Variants in PRDM1 observed in about 807,000 individuals in gnomAD.
The protein encoded by PRDM1 is PR domain zinc finger protein 1.
Under a neutral mutation model 62.8 loss-of-function variants are expected in PRDM1, and 13 were observed. The observed-to-expected ratio is 0.21, with a 90% CI of 0.13 to 0.33. The LOEUF is 0.33. PRDM1 is among the 10% of genes least tolerant of loss of function. PRDM1 has a pLI of 1.00. For synonymous variants in PRDM1, 396 were observed against 417.6 expected (o/e 0.95, Z 0.63); for missense variants, 895 against 1,058.8 (o/e 0.85, Z 2.15).
At chr6:106,069,507 G>A (rs1176748303) in intron 1 of PRDM1, among the ~76,000 whole-genome samples, 1 of 152,186 alleles carries the variant, frequency 6.6e-6, no homozygotes, top group Admixed American at 6.5e-5. Context: ...TAACAATCAT[G>A]GAGAGAAAGC....
At chr6:106,045,189 T>C (rs1411295378), upstream of PRDM1, among the ~76,000 whole-genome samples, 1 of 152,174 alleles carries the variant, frequency 6.6e-6, no homozygotes, top group Non-Finnish European at 1.5e-5. Flanking sequence ...AACACCATCA[T>C]TGTTATGACA....
upstream of PRDM1, among the ~76,000 whole-genome samples, chr6:105,993,124 C>A (rs1452821952): frequency 1.3e-5 from 2 of 152,216 alleles, no homozygotes; most frequent in Non-Finnish European, 2.9e-5. Flanking sequence ...CACATGTCGA[C>A]CCTCCTTTTA....
At chr6:106,035,421 A>T (rs1175989691) in intron 1 of PRDM1, among the ~76,000 whole-genome samples, 1 of 152,160 alleles carries the variant, frequency 6.6e-6, no homozygotes, top group Non-Finnish European at 1.5e-5. Flanking sequence ...CAGGAGTTCA[A>T]GACCAATCTG....
intron 1 of PRDM1, among the ~76,000 whole-genome samples, chr6:106,080,416 C>T (rs896209502): frequency 6.6e-6 from 1 of 152,190 alleles, no homozygotes; most frequent in African/African-American, 2.4e-5. Context: ...CCCCCCACCG[C>T]AGCCCCCAGC....
chr6:106,003,563 A>C (rs1772451575), intron 1 of PRDM1, among the ~76,000 whole-genome samples: 1 of 152,186 alleles, frequency 6.6e-6, no homozygotes, highest in Non-Finnish European at 1.5e-5. Context: ...GGCTGGTAAC[A>C]TACTTCTGGC....
At chr6:106,029,537 G>A (rs991214273) in intron 1 of PRDM1, among the ~76,000 whole-genome samples, 1 of 152,168 alleles carries the variant, frequency 6.6e-6, no homozygotes, top group Non-Finnish European at 1.5e-5. Flanking sequence ...CGTGGATCAA[G>A]AGTTCATTCC....
chr6:106,090,826 A>AT (rs35007893), intron 2 of PRDM1, among the ~76,000 whole-genome samples: 5,546 of 147,406 alleles, frequency 0.038, 113 homozygotes, highest in Middle Eastern at 0.058. Context: ...ATACCGGGGA[A>AT]TTTTTTTTTT....
At chr6:106,092,280 T>C (rs779991919) in intron 2 of PRDM1, among the ~76,000 whole-genome samples, 6 of 152,186 alleles carry the variant, frequency 3.9e-5, no homozygotes, top group African/African-American at 1.4e-4. Context: ...GTGGAAACTG[T>C]GGACGGCGGG....
Position 106,006,644 on chromosome 6 carries a change from G to A in PRDM1, c.-67+13005G>A, listed in dbSNP as rs985506090. Among the ~76,000 whole-genome samples the A allele has an allele frequency of 2.0e-5, 3 of 151,972 alleles. 1 individual carries two copies. The highest frequency in any genetic ancestry group is 7.2e-5 in the African/African-American group (3 of 41,408). On this transcript the variant is annotated intron_variant, in intron 1 of 6. Coordinates refer to the PRDM1 transcript ENST00000652320. ...AAGACCTTTGCCAGATACCATCAAA[G>A]TATCCTCAGGGTTTGGGTGGTACAC...
At chr6:106,028,772 C>T (rs1221054186) in intron 1 of PRDM1, among the ~76,000 whole-genome samples, 1 of 152,006 alleles carries the variant, frequency 6.6e-6, no homozygotes, top group East Asian at 1.9e-4. Flanking sequence ...TTTCCTGTGT[C>T]TCTTTGTAAT....
chr6:106,098,501 C>G (rs1774174273), intron 3 of PRDM1: 9 of 1,204,142 alleles, frequency 7.5e-6, no homozygotes, highest in Non-Finnish European at 9.5e-6. Context: ...CAAAAACACA[C>G]GCCTATGGCT....
chr6:106,043,041 G>C (rs1047018767), intron 1 of PRDM1, among the ~76,000 whole-genome samples: 2 of 152,140 alleles, frequency 1.3e-5, no homozygotes, highest in Non-Finnish European at 2.9e-5. Context: ...AGTAGAGACA[G>C]GGTTTCACCA....
At chr6:106,080,897 T>C (rs1465207566) in intron 1 of PRDM1, among the ~76,000 whole-genome samples, 2 of 152,180 alleles carry the variant, frequency 1.3e-5, no homozygotes, top group Non-Finnish European at 2.9e-5. Context: ...GGCGGATGCC[T>C]ACTGAACAAT....
intron 1 of PRDM1, among the ~76,000 whole-genome samples, chr6:106,026,183 A>C (rs2114563090): frequency 6.6e-6 from 1 of 152,308 alleles, no homozygotes; most frequent in African/African-American, 2.4e-5. Flanking sequence ...TATTTGATTT[A>C]AAGAGCAGAA....
chr6:106,008,290 T>A (rs1170012036), intron 1 of PRDM1, among the ~76,000 whole-genome samples: 9 of 152,150 alleles, frequency 5.9e-5, no homozygotes, highest in African/African-American at 2.2e-4. Flanking sequence ...GTAGAATCAC[T>A]TGAACTCAGG....
At chr6:106,079,969 CA>C (rs1773666851) in intron 1 of PRDM1, among the ~76,000 whole-genome samples, 1 of 152,198 alleles carries the variant, frequency 6.6e-6, no homozygotes, top group Admixed American at 6.5e-5. Context: ...AAAACACACC[CA>C]GGGGCCAAGA....
At chr6:106,086,234 C>T, upstream of PRDM1, 1 of 385,694 alleles carries the variant, frequency 2.6e-6, no homozygotes, top group Non-Finnish European at 4.6e-6. Context: ...GGGGGAAAGC[C>T]CTGGGCTCGG....
intron 1 of PRDM1, among the ~76,000 whole-genome samples, chr6:106,049,776 T>A (rs935005679): frequency 2.0e-5 from 3 of 152,254 alleles, no homozygotes. Flanking sequence ...TGTCTGTAAT[T>A]AACTACCCAC....
chr6:106,004,953 G>A (rs1054436925), intron 1 of PRDM1, among the ~76,000 whole-genome samples: 6 of 152,152 alleles, frequency 3.9e-5, no homozygotes, highest in Non-Finnish European at 5.9e-5. Flanking sequence ...TGGAAACAAT[G>A]AACTCTTTGC....
Sources: gnomAD v4.1 joint callset for allele counts (sites outside exome capture counted in the v4.1 genomes callset) on GRCh38, gnomAD v4.1.1 for gene constraint, MANE v1.5 for transcripts, NCBI Gene and HGNC (gene_info 2026-07-23, HGNC 2026-07-21) for gene names.